The following CTNNA2 variants were observed in gnomAD, a reference collection of about 807,000 sequenced individuals.
CTNNA2 encodes catenin alpha 2, also known as catenin alpha-2.
Under a neutral mutation model 101.0 loss-of-function variants are expected in CTNNA2, and 42 were observed. The observed-to-expected ratio is 0.42, with a 90% CI of 0.32 to 0.54. The LOEUF (loss-of-function observed/expected upper bound fraction) is 0.54, where lower values mean the gene tolerates loss of function less well. Ranked by LOEUF, CTNNA2 falls within the 20% of genes least tolerant of loss-of-function variation. CTNNA2 has a pLI of 0.14. For synonymous variants in CTNNA2, 450 were observed against 456.4 expected (o/e 0.99, Z 0.18); for missense variants, 871 against 1,223.1 (o/e 0.71, Z 4.29).
intron 3 of CTNNA2, among the ~76,000 whole-genome samples, chr2:79,772,942 C>T (rs529430100): frequency 3.7e-4 from 57 of 152,290 alleles, no homozygotes; most frequent in Middle Eastern, 3.4e-3. Context: ...TTCAGTTGTT[C>T]TATCAAACAT....
chr2:79,520,358 G>A (rs1672037008), intron 1 of CTNNA2, among the ~76,000 whole-genome samples: 1 of 151,970 alleles, frequency 6.6e-6, no homozygotes, highest in Non-Finnish European at 1.5e-5. Flanking sequence ...TTTTTGCATT[G>A]AGCATAATGT....
chr2:80,170,213 C>T (rs1404431476), intron 7 of CTNNA2, among the ~76,000 whole-genome samples: 2 of 149,648 alleles, frequency 1.3e-5, no homozygotes, highest in East Asian at 3.9e-4. Context: ...CTCTCTATCT[C>T]TCTCTCTCTC....
At chr2:80,458,050 T>C (rs1449577859) in intron 9 of CTNNA2, among the ~76,000 whole-genome samples, 1 of 152,146 alleles carries the variant, frequency 6.6e-6, no homozygotes, top group African/African-American at 2.4e-5. Context: ...CAAGAAGGAG[T>C]ATCTATTTTT....
chr2:79,654,577 A>G (rs991787208), intron 2 of CTNNA2, among the ~76,000 whole-genome samples: 6 of 152,190 alleles, frequency 3.9e-5, no homozygotes, highest in Admixed American at 2.0e-4. Flanking sequence ...TGTGATTACA[A>G]TGGGCTCACT....
intron 4 of CTNNA2, among the ~76,000 whole-genome samples, chr2:79,382,089 C>T (rs1678046126): frequency 6.6e-6 from 1 of 152,010 alleles, no homozygotes; most frequent in African/African-American, 2.4e-5. Context: ...AGGCATCATC[C>T]AATCTATTGA....
At chr2:80,017,713 A>G (rs1694256602) in intron 7 of CTNNA2, among the ~76,000 whole-genome samples, 1 of 152,058 alleles carries the variant, frequency 6.6e-6, no homozygotes, top group Non-Finnish European at 1.5e-5. Flanking sequence ...TGGGGCCTCT[A>G]TTTCTGTTCA....
intron 4 of CTNNA2, among the ~76,000 whole-genome samples, chr2:79,468,713 A>G (rs1324801741): frequency 1.3e-5 from 2 of 152,200 alleles, no homozygotes; most frequent in Non-Finnish European, 2.9e-5. Flanking sequence ...CTAGCACTCA[A>G]GATTAAGAAA....
At chr2:79,222,371 G>T (rs1056447448) in intron 2 of CTNNA2, among the ~76,000 whole-genome samples, 4 of 152,160 alleles carry the variant, frequency 2.6e-5, no homozygotes, top group African/African-American at 7.2e-5. Flanking sequence ...CCTTCTGCAG[G>T]AATCTGGTTC....
chr2:80,080,948 T>TAAA lies in CTNNA2; in HGVS notation c.1056+171173_1056+171175dup, dbSNP rs79785271. Reference sequence around the variant, plus strand: ...TCACAGGCGCACACATTCTCCCACTTAAAAAAAAAAAAAAAAAAAAAAAAG... The same window carrying TAAA: ...TCACAGGCGCACACATTCTCCCACTTAAAAAAAAAAAAAAAAAAAAAAAAAAAG... On this transcript the variant is annotated intron_variant, in intron 7 of 18. Transcript: ENST00000402739. 1.7e-3 allele frequency among the ~76,000 whole-genome samples: 145 copies of TAAA among 87,550 alleles called. 8 individuals carry two copies. The highest frequency in any genetic ancestry group is 3.2e-3 in the African/African-American group (68 of 21,058). The allele number at this position is 87,550 out of a possible 152,430, so 57.4% of individuals were successfully genotyped here.
At chr2:80,513,831 T>C (rs1688898315) in intron 9 of CTNNA2, among the ~76,000 whole-genome samples, 1 of 152,206 alleles carries the variant, frequency 6.6e-6, no homozygotes, top group Non-Finnish European at 1.5e-5. Context: ...AGTGATACCA[T>C]AGGATAGTAC....
At chr2:79,322,928 C>A (rs4852144) in intron 3 of CTNNA2, among the ~76,000 whole-genome samples, 2 of 152,048 alleles carry the variant, frequency 1.3e-5, no homozygotes, top group Non-Finnish European at 2.9e-5. Flanking sequence ...TTATGGTTTG[C>A]GAGAGAAGTT....
intron 7 of CTNNA2, among the ~76,000 whole-genome samples, chr2:80,361,386 G>C (rs1448709309): frequency 6.6e-6 from 1 of 152,052 alleles, no homozygotes; most frequent in East Asian, 1.9e-4. Context: ...GTGCAAAATG[G>C]ATTGTAGCTC....
intron 15 of CTNNA2, among the ~76,000 whole-genome samples, chr2:80,596,111 T>C (rs575128211): frequency 3.3e-5 from 5 of 151,826 alleles, no homozygotes; most frequent in Admixed American, 6.6e-5. Flanking sequence ...AGTTATTTTA[T>C]TATCTTTGTA....
At chr2:80,063,244 C>A (rs1399235235) in intron 7 of CTNNA2, among the ~76,000 whole-genome samples, 4 of 152,106 alleles carry the variant, frequency 2.6e-5, no homozygotes, top group Non-Finnish European at 5.9e-5. Context: ...TCCTTTCTCT[C>A]TCTCTTTCTC....
At chr2:80,043,445 G>A (rs1212525444) in intron 7 of CTNNA2, among the ~76,000 whole-genome samples, 1 of 151,978 alleles carries the variant, frequency 6.6e-6, no homozygotes, top group Non-Finnish European at 1.5e-5. Context: ...TGATCCACCT[G>A]TCTCGGCCTC....
At chr2:79,725,692 A>T (rs555313848) in intron 2 of CTNNA2, among the ~76,000 whole-genome samples, 1 of 152,204 alleles carries the variant, frequency 6.6e-6, no homozygotes, top group Non-Finnish European at 1.5e-5. Context: ...CCTTCTTCAC[A>T]TTTTTATTTC....
At chr2:79,392,732 C>A (rs181781450) in intron 4 of CTNNA2, among the ~76,000 whole-genome samples, 110 of 152,262 alleles carry the variant, frequency 7.2e-4, no homozygotes, top group Admixed American at 1.1e-3. Flanking sequence ...CCAATGATAT[C>A]ATTTCTCCCC....
At chr2:79,884,394 A>G (rs1683680334) in intron 6 of CTNNA2, among the ~76,000 whole-genome samples, 1 of 152,050 alleles carries the variant, frequency 6.6e-6, no homozygotes, top group South Asian at 2.1e-4. Flanking sequence ...CTCTATGCTA[A>G]CCTCGGTTCC....
intron 3 of CTNNA2, among the ~76,000 whole-genome samples, chr2:79,832,798 C>T (rs72916649): frequency 0.022 from 3,350 of 152,260 alleles, 163 homozygotes; most frequent in African/African-American, 0.076. Context: ...CACAAGGCTT[C>T]GCAGTGGTTA....
Sources: allele counts gnomAD v4.1 joint callset (sites outside exome capture counted in the v4.1 genomes callset), GRCh38; gene constraint gnomAD v4.1.1; transcripts MANE v1.5; gene names NCBI Gene and HGNC (gene_info 2026-07-23, HGNC 2026-07-21).